MCTP1: variants seen among roughly 807,000 people sequenced by gnomAD.
MCTP1 encodes the protein multiple C2 and transmembrane domain-containing protein 1.
In MCTP1, 69 loss-of-function variants were observed where a neutral mutation model predicts 120.6. That is an observed-to-expected ratio of 0.57 (90% CI 0.47 to 0.70). The LOEUF is 0.70. Ranked by LOEUF, MCTP1 falls within the 30% of genes least tolerant of loss-of-function variation. The pLI, the probability that MCTP1 is intolerant of heterozygous loss-of-function variation, is 0.00. For synonymous variants in MCTP1, 529 were observed against 493.1 expected, an observed-to-expected ratio of 1.07 and a Z score of -0.96; for missense variants, 1,203 against 1,248.8, an observed-to-expected ratio of 0.96 and a Z score of 0.55.
intron 1 of MCTP1, among the ~76,000 whole-genome samples, chr5:95,069,864 AT>A (rs546060424): frequency 1.3e-5 from 2 of 151,434 alleles, no homozygotes; most frequent in Non-Finnish European, 1.5e-5. Context: ...ACGCCCGGCT[AT>A]TTTTTTTATT....
intron 17 of MCTP1, among the ~76,000 whole-genome samples, chr5:94,818,141 C>T (rs1415027840): frequency 6.6e-6 from 1 of 152,144 alleles, no homozygotes; most frequent in East Asian, 1.9e-4. Context: ...TACGGGAAAT[C>T]CTGTCTAAGA....
chr5:95,058,658 T>A (rs1454526259), intron 1 of MCTP1, among the ~76,000 whole-genome samples: 3 of 152,076 alleles, frequency 2.0e-5, no homozygotes, highest in Admixed American at 2.0e-4. Context: ...AAAAAATAAA[T>A]GGAAGAGGTA....
At chr5:95,034,922 A>T (rs1840977128) in intron 1 of MCTP1, among the ~76,000 whole-genome samples, 1 of 152,162 alleles carries the variant, frequency 6.6e-6, no homozygotes, top group African/African-American at 2.4e-5. Flanking sequence ...ACATGAACAG[A>T]TACTTCTCAA....
At chr5:94,797,040 A>G (rs1423330352) in intron 18 of MCTP1, among the ~76,000 whole-genome samples, 2 of 152,146 alleles carry the variant, frequency 1.3e-5, no homozygotes, top group Non-Finnish European at 2.9e-5. Flanking sequence ...CTAAAAGGAA[A>G]AGATTTGGTA....
intron 1 of MCTP1, among the ~76,000 whole-genome samples, chr5:95,282,002 C>A (rs548692588): frequency 6.6e-6 from 1 of 152,196 alleles, no homozygotes; most frequent in African/African-American, 2.4e-5. Context: ...CTACTAACTA[C>A]GTGACCCTGG....
intron 1 of MCTP1, among the ~76,000 whole-genome samples, chr5:95,166,567 C>CT (rs1160952243): frequency 1.2e-4 from 14 of 117,514 alleles, no homozygotes; most frequent in South Asian, 1.2e-3. Flanking sequence ...TAATTTTAAT[C>CT]ATTTTTTTTT....
chr5:95,116,238 A>G (rs1382217872), intron 1 of MCTP1, among the ~76,000 whole-genome samples: 1 of 152,224 alleles, frequency 6.6e-6, no homozygotes, highest in Non-Finnish European at 1.5e-5. Flanking sequence ...TGGTAATAGT[A>G]AGTGCACCGA....
intron 17 of MCTP1, among the ~76,000 whole-genome samples, chr5:94,846,303 A>G (rs1347962398): frequency 1.3e-5 from 2 of 152,208 alleles, no homozygotes; most frequent in African/African-American, 4.8e-5. Context: ...CATACACAGC[A>G]TGGAATACTA....
chr5:94,951,893 C>T (rs117923988), intron 3 of MCTP1, among the ~76,000 whole-genome samples: 16 of 152,088 alleles, frequency 1.1e-4, no homozygotes, highest in East Asian at 9.7e-4. Context: ...TATTTAAGGC[C>T]GGGCACGGTG....
intron 19 of MCTP1, among the ~76,000 whole-genome samples, chr5:94,767,260 A>C (rs1306278741): frequency 6.6e-6 from 1 of 152,222 alleles, no homozygotes; most frequent in Non-Finnish European, 1.5e-5. Flanking sequence ...CATAGAAGGA[A>C]CATATCTCAA....
At chr5:94,767,348 C>A (rs1773009530) in intron 19 of MCTP1, among the ~76,000 whole-genome samples, 2 of 152,156 alleles carry the variant, frequency 1.3e-5, no homozygotes, top group African/African-American at 4.8e-5. Flanking sequence ...CCTCTAAGAA[C>A]TGGAACAAGA....
At chr5:95,018,119 G>C (rs1361914243) in intron 1 of MCTP1, among the ~76,000 whole-genome samples, 3 of 151,940 alleles carry the variant, frequency 2.0e-5, no homozygotes, top group Admixed American at 1.3e-4. Context: ...ATGTTTGTGA[G>C]CCTGCCTCTA....
At chr5:94,976,692 T>G (rs1828190045) in intron 2 of MCTP1, 2 of 152,230 alleles carry the variant, frequency 1.3e-5, no homozygotes, top group Admixed American at 6.6e-5. Flanking sequence ...ACAAGATATT[T>G]AGAAGGAAGG....
At chr5:95,252,650 A>G (rs74590936) in intron 1 of MCTP1, among the ~76,000 whole-genome samples, 1 of 152,142 alleles carries the variant, frequency 6.6e-6, no homozygotes, top group African/African-American at 2.4e-5. Context: ...GTCTGGGTCT[A>G]GGATCTACTT....
chr5:95,282,477 G>A (rs561192465), intron 1 of MCTP1, among the ~76,000 whole-genome samples: 27 of 152,086 alleles, frequency 1.8e-4, no homozygotes, highest in African/African-American at 5.5e-4. Flanking sequence ...TTATGTACAC[G>A]CTCAAAAATA....
At chr5:95,241,048 G>T (rs1756110657) in intron 1 of MCTP1, among the ~76,000 whole-genome samples, 1 of 151,778 alleles carries the variant, frequency 6.6e-6, no homozygotes, top group Admixed American at 6.6e-5. Flanking sequence ...TCTAATTTTG[G>T]GGGGTACTTT....
intron 1 of MCTP1, among the ~76,000 whole-genome samples, chr5:95,154,883 T>A (rs1361331312): frequency 6.6e-6 from 1 of 152,156 alleles, no homozygotes; most frequent in African/African-American, 2.4e-5. Context: ...AAGGTTAGCC[T>A]TGATGGATAT....
chr5:95,123,359 G>T (rs79508042), intron 1 of MCTP1, among the ~76,000 whole-genome samples: 6 of 152,098 alleles, frequency 3.9e-5, no homozygotes, highest in Admixed American at 3.9e-4. Context: ...ACTGGATTAG[G>T]AGAAGAACAG....
chr5:94,755,330 C>T (rs1330115607), intron 19 of MCTP1, among the ~76,000 whole-genome samples: 3 of 152,152 alleles, frequency 2.0e-5, no homozygotes, highest in African/African-American at 7.2e-5. Flanking sequence ...CCCACTGATT[C>T]CTTTTAAAGA....
Sources: allele counts gnomAD v4.1 joint callset (sites outside exome capture counted in the v4.1 genomes callset), GRCh38; gene constraint gnomAD v4.1.1; transcripts MANE v1.5; gene names NCBI Gene and HGNC (gene_info 2026-07-23, HGNC 2026-07-21).